Variants in PTCHD4 observed in about 807,000 individuals in gnomAD.
PTCHD4 encodes the protein patched domain containing 4.
Under a neutral mutation model 58.1 loss-of-function variants are expected in PTCHD4, and 33 were observed. The observed-to-expected ratio is 0.57, with a 90% CI of 0.43 to 0.76. PTCHD4 has a LOEUF of 0.76. Ranked by LOEUF, PTCHD4 falls within the 30% of genes least tolerant of loss-of-function variation. The pLI is 0.00. For synonymous variants in PTCHD4, 478 were observed against 409.6 expected (o/e 1.17, Z -2.02); for missense variants, 1,058 against 1,027.1 (o/e 1.03, Z -0.41).
chr6:47,999,464 G>A (rs555571761), intron 4 of PTCHD4, among the ~76,000 whole-genome samples: 2 of 152,252 alleles, frequency 1.3e-5, no homozygotes, highest in South Asian at 2.1e-4. Flanking sequence ...GGATTTTGAT[G>A]TGTTTGATGA....
At chr6:47,949,006 C>T (rs1349046565) in intron 4 of PTCHD4, among the ~76,000 whole-genome samples, 1 of 152,168 alleles carries the variant, frequency 6.6e-6, no homozygotes, top group East Asian at 1.9e-4. Flanking sequence ...AAATTAAATG[C>T]TGTTCATGGA....
At chr6:48,001,129 A>G (rs1375079246) in intron 4 of PTCHD4, among the ~76,000 whole-genome samples, 2 of 152,228 alleles carry the variant, frequency 1.3e-5, no homozygotes, top group African/African-American at 4.8e-5. Context: ...ATGGAAGAAC[A>G]TTCCATGCTC....
Position 47,877,953 on chromosome 6 carries a change from C to T in PTCHD4, c.*350G>A, listed in dbSNP as rs570094243. The T allele has an allele frequency of 1.2e-5, 2 of 171,422 alleles. No homozygotes were observed. The highest frequency in any genetic ancestry group is 1.2e-4 in the Admixed American group (2 of 16,306). The allele number at this position is 171,422 out of a possible 1,614,324, so 10.6% of individuals were successfully genotyped here. A position where few individuals can be genotyped will look rare whatever the true frequency, so the allele number is the denominator to read the frequency against. ...TGTCTTTCCCCCTATTTGAAGGACA[C>T]CTTTCCTTGCTTCTCCATCACTCCT... On this transcript the variant is annotated 3_prime_UTR_variant, in exon 5 of 5. Transcript: ENST00000339488.
At chr6:47,974,379 G>T (rs1276805608) in intron 4 of PTCHD4, among the ~76,000 whole-genome samples, 2 of 152,162 alleles carry the variant, frequency 1.3e-5, no homozygotes, top group African/African-American at 4.8e-5. Flanking sequence ...GACTTTGAGA[G>T]CTAGAAGTGT....
intron 4 of PTCHD4, among the ~76,000 whole-genome samples, chr6:47,970,051 G>A (rs1767446591): frequency 6.6e-6 from 1 of 152,138 alleles, no homozygotes; most frequent in South Asian, 2.1e-4. Context: ...ATGTAGCTGG[G>A]ATAAGAGAGA....
rs558255547 is a variant in PTCHD4 at position 47,903,822 on chromosome 6, AAGC to A, written c.899-23889_899-23887del. On this transcript the variant is annotated intron_variant, in intron 4 of 4. Coordinates refer to ENST00000339488, the MANE Select transcript of PTCHD4 (RefSeq NM_001384253.1). ...TGTATATTGATGAATTTTGAAACTG[AAGC>A]AGAACAGAGGGGTTAGAAGCATCTG... is the stretch of plus-strand genomic sequence containing the variant. 2.0e-4 allele frequency among the ~76,000 whole-genome samples: 31 copies of A among 152,294 alleles called. 1 individual carries two copies. In the South Asian group the frequency reaches 6.0e-3, roughly 30 times the overall value.
At position 48,069,403 on chromosome 6, in the gene PTCHD4, G is replaced by T. The variant is rs1239636048; in HGVS notation, c.-446C>A. Among the ~76,000 whole-genome samples, 4 of 152,224 alleles carry T rather than the reference G, an allele frequency of 2.6e-5. No homozygotes were observed. Among genetic ancestry groups the T allele is most frequent in the African/African-American group, 4.8e-5 (2 of 41,532 alleles). On this transcript the variant is annotated 5_prime_UTR_variant, in exon 2 of 5. Transcript: ENST00000339488. ...CAGGGCTCCAGGAGACAGCCTTCTCGCCCCTCCAGTTTCCCTGTGCCCTCG... is the reference window on the plus strand; with the variant it reads ...CAGGGCTCCAGGAGACAGCCTTCTCTCCCCTCCAGTTTCCCTGTGCCCTCG...
intron 3 of PTCHD4, among the ~76,000 whole-genome samples, chr6:48,026,760 A>G (rs952321281): frequency 6.6e-6 from 1 of 152,098 alleles, no homozygotes. Flanking sequence ...GGCTTTGGAG[A>G]CACCTAGACA....
chr6:48,108,249 C>A (rs1276269892), intron 1 of PTCHD4, among the ~76,000 whole-genome samples: 1 of 152,120 alleles, frequency 6.6e-6, no homozygotes, highest in Non-Finnish European at 1.5e-5. Flanking sequence ...GACACATATA[C>A]ACCATGGAAT....
At chr6:48,084,944 A>C (rs932043908) in intron 1 of PTCHD4, among the ~76,000 whole-genome samples, 1 of 151,892 alleles carries the variant, frequency 6.6e-6, no homozygotes, top group Non-Finnish European at 1.5e-5. Context: ...GTGTTTCACC[A>C]TGTTGCCCAG....
At chr6:48,101,334 T>C (rs886143314) in intron 1 of PTCHD4, among the ~76,000 whole-genome samples, 2 of 152,202 alleles carry the variant, frequency 1.3e-5, no homozygotes, top group African/African-American at 2.4e-5. Flanking sequence ...TAGGAACTTA[T>C]AAAACAGTTA....
rs146161543 is a variant in PTCHD4 at position 47,916,406 on chromosome 6, G to A, written c.899-36470C>T. On this transcript the variant is annotated intron_variant, in intron 4 of 4. Coordinates refer to ENST00000339488, the MANE Select transcript of PTCHD4 (RefSeq NM_001384253.1). Reference sequence around the variant, plus strand: ...AGCAAACCACCCCCATCATCCAGGCGAAGACTACCACAACTATTGAGGCTT... The same window carrying A: ...AGCAAACCACCCCCATCATCCAGGCAAAGACTACCACAACTATTGAGGCTT... Among the ~76,000 whole-genome samples, 146 of 152,084 alleles carry A rather than the reference G, an allele frequency of 9.6e-4. 2 individuals are homozygous for A. Among genetic ancestry groups the A allele is most frequent in the South Asian group, 7.1e-3 (34 of 4,818 alleles).
intron 3 of PTCHD4, among the ~76,000 whole-genome samples, chr6:48,015,437 C>G (rs937700046): frequency 6.6e-6 from 1 of 152,000 alleles, no homozygotes; most frequent in Non-Finnish European, 1.5e-5. Context: ...AGTCCTCAGA[C>G]CTGTCTCCTA....
At chr6:48,086,942 G>A (rs923617076) in intron 1 of PTCHD4, among the ~76,000 whole-genome samples, 6 of 151,926 alleles carry the variant, frequency 3.9e-5, no homozygotes, top group Non-Finnish European at 8.8e-5. Context: ...AATGCCTTTA[G>A]TTACTATTTT....
At chr6:48,072,297 A>G (rs1764990945) in intron 1 of PTCHD4, among the ~76,000 whole-genome samples, 1 of 152,060 alleles carries the variant, frequency 6.6e-6, no homozygotes, top group African/African-American at 2.4e-5. Flanking sequence ...GGACTCATGG[A>G]TATTTCTGGA....
chr6:47,906,376 C>A (rs1466877610), intron 4 of PTCHD4, among the ~76,000 whole-genome samples: 1 of 152,180 alleles, frequency 6.6e-6, no homozygotes, highest in Non-Finnish European at 1.5e-5. Flanking sequence ...GCCCTCCAAG[C>A]TGGAATCACT....
chr6:47,950,039 C>T (rs1766580199), intron 4 of PTCHD4, among the ~76,000 whole-genome samples: 1 of 125,786 alleles, frequency 8.0e-6, no homozygotes, highest in Non-Finnish European at 1.6e-5. Flanking sequence ...CCTCCCCCCA[C>T]CCCACAACAG....
intron 4 of PTCHD4, among the ~76,000 whole-genome samples, chr6:47,941,669 A>G (rs1766230652): frequency 6.6e-6 from 1 of 152,124 alleles, no homozygotes; most frequent in Admixed American, 6.5e-5. Flanking sequence ...TCGCTGTTTG[A>G]CTTTGAGGAA....
At position 47,857,105 on chromosome 6, in the gene PTCHD4, G is replaced by A. The variant is rs1341058455; in HGVS notation, c.*21198C>T. 6.6e-6 allele frequency among the ~76,000 whole-genome samples: 1 copy of A among 151,892 alleles called. No homozygotes were observed. Among genetic ancestry groups the A allele is most frequent in the Non-Finnish European group, 1.5e-5 (1 of 67,952 alleles). ...ACAAGAAATCATATTATATAGTATT[G>A]TCCCACCTAACAAAAATTACTTATG... On this transcript the variant is annotated 3_prime_UTR_variant, in exon 5 of 5. Transcript: ENST00000339488.
Sources: allele counts gnomAD v4.1 joint callset (sites outside exome capture counted in the v4.1 genomes callset), GRCh38; gene constraint gnomAD v4.1.1; transcripts MANE v1.5; gene names NCBI Gene and HGNC (gene_info 2026-07-23, HGNC 2026-07-21).